The following LRRC38 variants were observed in gnomAD, a reference collection of about 807,000 sequenced individuals.
LRRC38 encodes leucine-rich repeat-containing protein 38.
Under a neutral mutation model 16.4 loss-of-function variants are expected in LRRC38, and 5 were observed. The observed-to-expected ratio is 0.31, with a 90% CI of 0.16 to 0.64. The LOEUF is 0.64. Ranked by LOEUF, LRRC38 falls within the 30% of genes least tolerant of loss-of-function variation. The pLI is 0.80. For synonymous variants in LRRC38, 191 were observed against 190.2 expected (o/e 1.00, Z -0.04); for missense variants, 341 against 401.8 (o/e 0.85, Z 1.29).
In LRRC38 at chr1:13,513,148, T is replaced by C; in HGVS notation, c.446A>G (p.Glu149Gly). 4 of 1,550,394 alleles carry C rather than the reference T, an allele frequency of 2.6e-6. No individual in the cohort carries two copies. The highest frequency in any genetic ancestry group is 3.5e-6 in the Non-Finnish European group (4 of 1,146,902). The change falls in exon 1 of 2, where the codon GAG (glutamate) becomes GGG (glycine). Residue 149 changes from glutamate (E) to glycine (G), a missense_variant. Coordinates refer to ENST00000376085, the MANE Select transcript of LRRC38 (RefSeq NM_001010847.2). ...NLVGVHEDAF[E>G]TLESLQVLEL... ...CAGCACCTGCAGCGACTCCAGGGTC[T>C]CGAAGGCGTCCTCGTGCACGCCCAC...
intron 1 of LRRC38, among the ~76,000 whole-genome samples, chr1:13,500,519 C>T (rs1434942058): frequency 6.6e-6 from 1 of 152,164 alleles, no homozygotes; most frequent in Non-Finnish European, 1.5e-5. Flanking sequence ...ATGAAACTGT[C>T]TCTTATTTAC....
chr1:13,513,705 G>T lies in LRRC38; in HGVS notation c.-112C>A, dbSNP rs928389581. On this transcript the variant is annotated 5_prime_UTR_variant, in exon 1 of 2. Coordinates refer to ENST00000376085, the MANE Select transcript of LRRC38 (RefSeq NM_001010847.2). The stretch of plus-strand genomic sequence containing the variant: ...TGCCGGGCGCGGGGAGCCAGAGGGC[G>T]GCCCGGGCGGGGAGGGCGTGCGCCC... The T allele has an allele frequency of 2.2e-5, 14 of 640,936 alleles. No individual in the cohort carries two copies. The South Asian group carries it at 4.7e-4, about 22-fold the overall frequency. The allele number at this position is 640,936 out of a possible 1,614,324, so 39.7% of individuals were successfully genotyped here. A position where few individuals can be genotyped will look rare whatever the true frequency, so the allele number is the denominator to read the frequency against.
At chr1:13,504,779 G>C (rs1275714714) in intron 1 of LRRC38, among the ~76,000 whole-genome samples, 1 of 129,482 alleles carries the variant, frequency 7.7e-6, no homozygotes, top group East Asian at 2.4e-4. Flanking sequence ...GAGGGAAGGG[G>C]AGAGGGAAAG....
At chr1:13,493,932 G>A (rs557476142) in intron 1 of LRRC38, among the ~76,000 whole-genome samples, 24 of 152,190 alleles carry the variant, frequency 1.6e-4, no homozygotes, top group Admixed American at 4.6e-4. Context: ...GTGTGCTGGC[G>A]TGCACCTGTA....
chr1:13,502,129 C>T (rs1301806106), intron 1 of LRRC38, among the ~76,000 whole-genome samples: 2 of 146,332 alleles, frequency 1.4e-5, no homozygotes, highest in South Asian at 2.2e-4. Context: ...TTAGTAGAGA[C>T]GGGGTTTCAC....
At chr1:13,504,744 G>T (rs1338380052) in intron 1 of LRRC38, among the ~76,000 whole-genome samples, 1 of 91,682 alleles carries the variant, frequency 1.1e-5, no homozygotes, top group African/African-American at 5.1e-5. Flanking sequence ...GAGGGGAAGG[G>T]AGGGGAGGGG....
chr1:13,505,628 A>G (rs1639203564), intron 1 of LRRC38, among the ~76,000 whole-genome samples: 1 of 152,144 alleles, frequency 6.6e-6, no homozygotes. Context: ...AGTGGGACAA[A>G]ATGTATGAAT....
Position 13,494,115 on chromosome 1 carries a change from G to T in LRRC38, c.632-18016C>A, listed in dbSNP as rs140572891. Among the ~76,000 whole-genome samples the T allele has an allele frequency of 2.9e-4, 44 of 152,310 alleles. 1 individual carries two copies. Among genetic ancestry groups the T allele is most frequent in the Admixed American group, 1.3e-4 (2 of 15,308 alleles). Reference sequence around the variant, plus strand: ...TGACCTCCAGAACTGGAAGATAACAGATTTGTGTCATTTTAAGCCCCTACA... The same window carrying T: ...TGACCTCCAGAACTGGAAGATAACATATTTGTGTCATTTTAAGCCCCTACA... On this transcript the variant is annotated intron_variant, in intron 1 of 1. Coordinates refer to ENST00000376085, the MANE Select transcript of LRRC38 (RefSeq NM_001010847.2).
chr1:13,501,887 C>T (rs1247467606), intron 1 of LRRC38, among the ~76,000 whole-genome samples: 2 of 151,990 alleles, frequency 1.3e-5, no homozygotes, highest in East Asian at 1.9e-4. Context: ...CTCAGCCTCC[C>T]GAGTAGCTGG....
intron 1 of LRRC38, among the ~76,000 whole-genome samples, chr1:13,483,859 T>C (rs1638897994): frequency 6.9e-6 from 1 of 143,912 alleles, no homozygotes; most frequent in Non-Finnish European, 1.5e-5. Flanking sequence ...TGCGTTTGAC[T>C]CCAGATATAT....
chr1:13,491,648 A>G lies in LRRC38; in HGVS notation c.632-15549T>C, dbSNP rs185354588. On this transcript the variant is annotated intron_variant, in intron 1 of 1. Transcript: ENST00000376085. ...TCCACTTGAAAATGGCTAAGATGAT[A>G]TATTTAAATCTCAGCCATTTTCTTT... Among the ~76,000 whole-genome samples the G allele has an allele frequency of 3.3e-5, 5 of 151,964 alleles. No individual in the cohort carries two copies. The East Asian group carries it at 7.8e-4, about 24-fold the overall frequency.
chr1:13,497,292 T>C (rs942406178), intron 1 of LRRC38, among the ~76,000 whole-genome samples: 2 of 152,132 alleles, frequency 1.3e-5, no homozygotes, highest in Non-Finnish European at 1.5e-5. Context: ...GGAGTCAAAT[T>C]TGTTTTTAAC....
At chr1:13,505,602 T>C (rs1269481549) in intron 1 of LRRC38, among the ~76,000 whole-genome samples, 2 of 152,206 alleles carry the variant, frequency 1.3e-5, no homozygotes, top group Non-Finnish European at 2.9e-5. Flanking sequence ...GCTGGCCTCT[T>C]GGAGCCTGCA....
intron 1 of LRRC38, among the ~76,000 whole-genome samples, chr1:13,506,092 C>T (rs1183772652): frequency 7.9e-5 from 12 of 152,054 alleles, no homozygotes; most frequent in Non-Finnish European, 1.3e-4. Flanking sequence ...TGACCTGTAA[C>T]GTCAGGCAGT....
At chr1:13,479,396 G>C (rs753676607) in intron 1 of LRRC38, among the ~76,000 whole-genome samples, 1 of 152,138 alleles carries the variant, frequency 6.6e-6, no homozygotes, top group Non-Finnish European at 1.5e-5. Context: ...TTCAGGAAGC[G>C]GTATCAACCG....
intron 1 of LRRC38, among the ~76,000 whole-genome samples, chr1:13,501,569 C>T (rs1462515163): frequency 8.0e-6 from 1 of 124,944 alleles, no homozygotes; most frequent in Non-Finnish European, 1.7e-5. Flanking sequence ...CCACCATGCC[C>T]GACTAATTTT....
rs202197981 is a variant in LRRC38, at chr1:13,501,687, A to G, written c.631+11276T>C. On this transcript the variant is annotated intron_variant, in intron 1 of 1. Transcript: ENST00000376085. ...TGGCTCACTGCAACTTCCAACTCCC[A>G]GGTTCAAGCAATTCTCCTGCCTCAG... 7.4e-4 allele frequency among the ~76,000 whole-genome samples: 65 copies of G among 87,946 alleles called. 2 individuals carry two copies. Among genetic ancestry groups the G allele is most frequent in the Non-Finnish European group, 9.9e-4 (37 of 37,194 alleles). The allele number at this position is 87,946 out of a possible 152,430, so 57.7% of individuals were successfully genotyped here. A position where few individuals can be genotyped will look rare whatever the true frequency, so the allele number is the denominator to read the frequency against.
intron 1 of LRRC38, among the ~76,000 whole-genome samples, chr1:13,500,017 G>T (rs989239819): frequency 6.6e-6 from 1 of 152,062 alleles, no homozygotes; most frequent in African/African-American, 2.4e-5. Context: ...TTGGGAGGCC[G>T]AGGCAGGCAG....
intron 1 of LRRC38, among the ~76,000 whole-genome samples, chr1:13,481,788 CCTCTCTCTCTCTCTCTCT>C (rs1198744392): frequency 2.9e-5 from 1 of 34,466 alleles, no homozygotes; most frequent in Admixed American, 3.7e-4. Context: ...TCCCTCTCTC[CCTCTCTCTCTCTCTCTCT>C]CTCTCTCTCT....
Sources: allele counts gnomAD v4.1 joint callset (sites outside exome capture counted in the v4.1 genomes callset), GRCh38; gene constraint gnomAD v4.1.1; transcripts MANE v1.5; gene names NCBI Gene and HGNC (gene_info 2026-07-23, HGNC 2026-07-21).